The following NRXN3 variants were observed in gnomAD, a reference collection of about 807,000 sequenced individuals.
The protein encoded by NRXN3 is neurexin III.
NRXN3 carries 32 observed loss-of-function variants against 137.6 expected under a neutral mutation model. The ratio of observed to expected loss-of-function variants is 0.23; its 90% confidence interval spans 0.18 to 0.31. The LOEUF is 0.31. NRXN3 is among the 10% of genes least tolerant of loss of function. NRXN3 has a pLI of 1.00. For synonymous variants in NRXN3, 798 were observed against 784.5 expected, an observed-to-expected ratio of 1.02 and a Z score of -0.29; for missense variants, 1,574 against 2,062.5, an observed-to-expected ratio of 0.76 and a Z score of 4.59.
At chr14:78,467,900 G>C (rs1305791661) in intron 4 of NRXN3, among the ~76,000 whole-genome samples, 2 of 129,394 alleles carry the variant, frequency 1.5e-5, no homozygotes, top group African/African-American at 3.0e-5. Flanking sequence ...ATATATCCTA[G>C]AAGTCTTATT....
rs181166257 is a variant in NRXN3, at chr14:78,422,238, C to G, written c.757+124378C>G. Among the ~76,000 whole-genome samples the G allele has an allele frequency of 7.9e-4, 120 of 152,326 alleles. 2 individuals are homozygous for G. The East Asian group carries it at 0.019, about 24-fold the overall frequency. On this transcript the variant is annotated intron_variant, in intron 4 of 20. Coordinates refer to ENST00000335750, the MANE Select transcript of NRXN3 (RefSeq NM_001330195.2). ...TCCCCAGGTAACCTTCCCTGGCCCC[C>G]ACATACGATCAGGTTTCCTCTTTGA...
At chr14:79,844,687 G>A (rs2099363382) in intron 20 of NRXN3, among the ~76,000 whole-genome samples, 1 of 152,056 alleles carries the variant, frequency 6.6e-6, no homozygotes, top group Admixed American at 6.6e-5. Context: ...TGTCATCTAG[G>A]CTTTGCTAGT....
At chr14:79,675,752 A>G (rs748140581) in intron 17 of NRXN3, among the ~76,000 whole-genome samples, 1 of 152,106 alleles carries the variant, frequency 6.6e-6, no homozygotes, top group South Asian at 2.1e-4. Context: ...CAAAATAGCT[A>G]AATACCATTT....
Position 78,709,497 on chromosome 14 carries a change from A to G in NRXN3, c.1502A>G (p.Lys501Arg). ...GAGAGGAAGGATGCTCGGAGCCAGA[A>G]GAATACAAAAGTAGACTTCTTTGCC... is the stretch of plus-strand genomic sequence containing the variant. The part of the protein sequence containing the change: ...PQERKDARSQ[K>R]NTKVDFFAVE... Residue 501 changes from lysine to arginine, a missense_variant, in exon 7 of 21, where the codon AAG becomes AGG. Around this residue, in one of 5 missense-constraint regions of NRXN3, gnomAD observed 718 missense variants for 887.6 expected, o/e 0.81. Coordinates refer to ENST00000335750, the MANE Select transcript of NRXN3 (RefSeq NM_001330195.2). 6.2e-7 allele frequency: 1 copy of G among 1,614,140 alleles called. No homozygotes were observed. Among genetic ancestry groups the G allele is most frequent in the Non-Finnish European group, 8.5e-7 (1 of 1,180,032 alleles).
At chr14:78,438,914 T>G (rs1420769855) in intron 4 of NRXN3, among the ~76,000 whole-genome samples, 1 of 151,804 alleles carries the variant, frequency 6.6e-6, no homozygotes, top group Non-Finnish European at 1.5e-5. Flanking sequence ...TGGCATAGAC[T>G]TGACAAGCTG....
At chr14:79,375,903 G>A (rs919405016) in intron 15 of NRXN3, among the ~76,000 whole-genome samples, 1 of 151,348 alleles carries the variant, frequency 6.6e-6, no homozygotes, top group African/African-American at 2.4e-5. Flanking sequence ...CCCAATCAAG[G>A]CATTCTATTT....
In NRXN3 at chr14:78,974,942, C is replaced by T. The variant is rs900326799; in HGVS notation, c.3142+6596C>T. On this transcript the variant is annotated intron_variant, in intron 14 of 20. Transcript: ENST00000335750. ...TATAACAATGAGGTGTAAGAAGTGA[C>T]GTAATGAGTCTAGATGAGTCAACAG... Among the ~76,000 whole-genome samples, 10 of 152,236 alleles carry T rather than the reference C, an allele frequency of 6.6e-5. No individual in the cohort carries two copies. The South Asian group carries it at 1.0e-3, about 16-fold the overall frequency.
chr14:78,397,710 T>C (rs1244342771), intron 4 of NRXN3, among the ~76,000 whole-genome samples: 2 of 151,776 alleles, frequency 1.3e-5, no homozygotes, highest in East Asian at 4.0e-4. Context: ...TTCAAGTGAT[T>C]CTCCTGCCTC....
intron 19 of NRXN3, among the ~76,000 whole-genome samples, chr14:79,713,529 T>A (rs949802333): frequency 7.0e-6 from 1 of 142,740 alleles, no homozygotes; most frequent in African/African-American, 2.5e-5. Context: ...AGAGAGGGAA[T>A]TGGTGGTACA....
chr14:78,195,654 G>A (rs1380864922), intron 1 of NRXN3, among the ~76,000 whole-genome samples: 2 of 152,176 alleles, frequency 1.3e-5, no homozygotes, highest in Non-Finnish European at 2.9e-5. Flanking sequence ...GAGCAACTGC[G>A]GGCGTCTTGG....
At chr14:79,230,739 G>A (rs2072025162) in intron 15 of NRXN3, among the ~76,000 whole-genome samples, 1 of 152,108 alleles carries the variant, frequency 6.6e-6, no homozygotes, top group Non-Finnish European at 1.5e-5. Flanking sequence ...TCCCTGGCAG[G>A]TACAGGTAGG....
At chr14:78,591,724 G>T (rs762930345) in intron 4 of NRXN3, among the ~76,000 whole-genome samples, 1 of 152,156 alleles carries the variant, frequency 6.6e-6, no homozygotes, top group Non-Finnish European at 1.5e-5. Context: ...TACATGGGTT[G>T]TTTGACCAGC....
At chr14:79,025,944 A>T (rs2099597338) in intron 15 of NRXN3, among the ~76,000 whole-genome samples, 1 of 152,096 alleles carries the variant, frequency 6.6e-6, no homozygotes, top group African/African-American at 2.4e-5. Flanking sequence ...GTTGCCTCTT[A>T]GTCACAGTAT....
intron 1 of NRXN3, among the ~76,000 whole-genome samples, chr14:78,183,901 G>A (rs2060018751): frequency 6.6e-6 from 1 of 152,218 alleles, no homozygotes; most frequent in Admixed American, 6.5e-5. Flanking sequence ...CCAAGAAGGG[G>A]CGGATGTGTG....
chr14:79,395,892 G>C (rs1407776938), intron 15 of NRXN3, among the ~76,000 whole-genome samples: 2 of 151,592 alleles, frequency 1.3e-5, no homozygotes, highest in South Asian at 4.2e-4. Flanking sequence ...CTGAGAACAA[G>C]GATTTGGTTG....
intron 15 of NRXN3, among the ~76,000 whole-genome samples, chr14:79,106,126 C>A (rs1254341446): frequency 6.6e-6 from 1 of 152,040 alleles, no homozygotes; most frequent in African/African-American, 2.4e-5. Flanking sequence ...AGCCTCTTTT[C>A]TTCCCCTTCA....
At chr14:78,435,542 T>C (rs1264024254) in intron 4 of NRXN3, among the ~76,000 whole-genome samples, 1 of 152,200 alleles carries the variant, frequency 6.6e-6, no homozygotes, top group Non-Finnish European at 1.5e-5. Context: ...TTGATAAATG[T>C]TATTTTCCTA....
rs566189679 is a variant in NRXN3 at position 78,813,470 on chromosome 14, A to G, written c.2275+3126A>G. 2.6e-5 allele frequency among the ~76,000 whole-genome samples: 4 copies of G among 152,236 alleles called. No homozygotes were observed. In the South Asian group the frequency reaches 6.2e-4, roughly 24 times the overall value. On this transcript the variant is annotated intron_variant, in intron 10 of 20. Transcript: ENST00000335750. ...AGCCTTACCTCTTGCTGCTATTTCA[A>G]TAGAAGTCATAGGGTACCTTGCTTA...
intron 4 of NRXN3, among the ~76,000 whole-genome samples, chr14:78,511,720 C>T (rs986960991): frequency 6.6e-5 from 10 of 152,142 alleles, no homozygotes; most frequent in African/African-American, 2.2e-4. Context: ...CGACAGATTT[C>T]CTATCAGCTA....
Sources: allele counts gnomAD v4.1 joint callset (sites outside exome capture counted in the v4.1 genomes callset), GRCh38; gene constraint gnomAD v4.1.1; regional missense constraint gnomAD v4.1.1; transcripts MANE v1.5; gene names NCBI Gene and HGNC (gene_info 2026-07-23, HGNC 2026-07-21).